Variants in UGGT1 observed in about 807,000 individuals in gnomAD.
UGGT1 encodes UDP-glucose glycoprotein glucosyltransferase 1.
A neutral mutation model predicts 203.9 loss-of-function variants in UGGT1; 107 were observed. The ratio of observed to expected loss-of-function variants is 0.52; its 90% CI spans 0.45 to 0.62. The LOEUF is 0.62. Ranked by LOEUF, UGGT1 falls within the 20% of genes least tolerant of loss-of-function variation. UGGT1 has a pLI of 0.00. For synonymous variants in UGGT1, 628 were observed against 653.5 expected (o/e 0.96, Z 0.59); for missense variants, 1,673 against 1,867.2 (o/e 0.90, Z 1.92).
intron 18 of UGGT1, 93 bp downstream of exon 18, chr2:128,146,060 C>A: frequency 6.8e-7 from 1 of 1,479,408 alleles, no homozygotes. Context: ...CTTAGTATCA[C>A]TATTTGGGAG....
intron 11 of UGGT1, among the ~76,000 whole-genome samples, chr2:128,123,907 G>C (rs1413937520): frequency 1.3e-5 from 2 of 152,108 alleles, no homozygotes; most frequent in Non-Finnish European, 2.9e-5. Flanking sequence ...AGTTGCCTGG[G>C]AGGCAAATTT....
chr2:128,106,856 T>TG (rs1320648664), intron 3 of UGGT1, among the ~76,000 whole-genome samples: 5 of 152,198 alleles, frequency 3.3e-5, no homozygotes, highest in African/African-American at 4.8e-5. Context: ...TGCCTATTTC[T>TG]ATTTTTTTTA....
chr2:128,135,709 T>G (rs1020770872), intron 15 of UGGT1, among the ~76,000 whole-genome samples: 1 of 152,232 alleles, frequency 6.6e-6, no homozygotes, highest in African/African-American at 2.4e-5. Context: ...TATGATCAAC[T>G]GCTAGGTTAT....
intron 16 of UGGT1, among the ~76,000 whole-genome samples, chr2:128,139,283 GT>G (rs1368656316): frequency 1.3e-5 from 2 of 152,072 alleles, no homozygotes; most frequent in African/African-American, 4.8e-5. Context: ...ACCAGATCTT[GT>G]TGTGTTGCTC....
chr2:128,158,051 T>A (rs919740921), intron 22 of UGGT1, among the ~76,000 whole-genome samples: 3 of 152,208 alleles, frequency 2.0e-5, no homozygotes, highest in African/African-American at 7.2e-5. Flanking sequence ...TATGCCGAGT[T>A]CCTTTATTGT....
chr2:128,149,784 T>C (rs1689860762), intron 18 of UGGT1, among the ~76,000 whole-genome samples: 1 of 146,322 alleles, frequency 6.8e-6, no homozygotes, highest in Non-Finnish European at 1.5e-5. Context: ...AGACTCCGTC[T>C]CAAGAAAAAA....
intron 25 of UGGT1, 43 bp downstream of exon 25, chr2:128,161,311 G>A (rs1285469661): frequency 1.9e-6 from 3 of 1,599,050 alleles, no homozygotes; most frequent in Non-Finnish European, 2.6e-6. Flanking sequence ...TATATAATTG[G>A]ACTTTCCTCA....
At chr2:128,177,947 T>G (rs752395714) in intron 33 of UGGT1, 27 bp downstream of exon 33, 1 of 1,566,830 alleles carries the variant, frequency 6.4e-7, no homozygotes, top group Non-Finnish European at 8.7e-7. Flanking sequence ...AGAGTTATGT[T>G]TTTAAGGAAA....
At chr2:128,183,362 A>T (rs1171608961) in intron 37 of UGGT1, among the ~76,000 whole-genome samples, 1 of 152,216 alleles carries the variant, frequency 6.6e-6, no homozygotes, top group Non-Finnish European at 1.5e-5. Flanking sequence ...TCAGGATATC[A>T]TTGAATAATG....
chr2:128,165,576 A>G (rs1328682544), intron 26 of UGGT1, among the ~76,000 whole-genome samples: 1 of 152,112 alleles, frequency 6.6e-6, no homozygotes, highest in East Asian at 1.9e-4. Context: ...AGATGCCTGT[A>G]ATACCAGCTA....
chr2:128,124,463 T>A (rs1278328976), intron 11 of UGGT1, among the ~76,000 whole-genome samples: 3 of 152,100 alleles, frequency 2.0e-5, no homozygotes, highest in Non-Finnish European at 4.4e-5. Flanking sequence ...TGTGTGTTTT[T>A]AAAAAAATCT....
intron 16 of UGGT1, among the ~76,000 whole-genome samples, chr2:128,142,584 CA>C (rs140971109): frequency 0.069 from 3,974 of 57,378 alleles, 75 homozygotes; most frequent in African/African-American, 0.16. Context: ...GACTCCATCT[CA>C]AAAAAAAAAA....
chr2:128,183,815 C>T, intron 38 of UGGT1, 26 bp downstream of exon 38: 1 of 1,546,704 alleles, frequency 6.5e-7, no homozygotes, highest in African/African-American at 1.4e-5. Flanking sequence ...TTATGGTTAA[C>T]TGTGAGTGAC....
At chr2:128,112,958 C>G in intron 5 of UGGT1, 126 bp from the exon 6 acceptor site, 1 of 817,114 alleles carries the variant, frequency 1.2e-6, no homozygotes, top group South Asian at 3.3e-5. Flanking sequence ...TAAGATCATG[C>G]TACCCTTCAT....
At position 128,127,341 on chromosome 2, in the gene UGGT1, TA is replaced by T; in HGVS notation, c.1135-18del. On this transcript the variant is annotated intron_variant, in intron 11 of 40. Transcript: ENST00000259253. ...AAAACATTCTCTCACAGCTCCCTAA[TA>T]ATTATTAAAATTTTTCAGTATTTCA... is the stretch of plus-strand genomic sequence containing the variant. 1.3e-6 allele frequency: 2 copies of T among 1,572,114 alleles called. No homozygotes were observed. The highest frequency in any genetic ancestry group is 1.7e-6 in the Non-Finnish European group (2 of 1,144,886).
At chr2:128,156,473 C>A (rs1690237319) in intron 21 of UGGT1, 58 bp downstream of exon 21, 2 of 1,362,194 alleles carry the variant, frequency 1.5e-6, no homozygotes, top group Admixed American at 1.8e-5. Context: ...TTTCAGTGAC[C>A]ATTGTAATTT....
At chr2:128,128,072 T>TCAAAAAA (rs1688685179) in intron 12 of UGGT1, among the ~76,000 whole-genome samples, 1 of 151,660 alleles carries the variant, frequency 6.6e-6, no homozygotes. Context: ...AGAATCCATC[T>TCAAAAAA]CAAAAAACAA....
intron 8 of UGGT1, among the ~76,000 whole-genome samples, chr2:128,117,010 G>A (rs890504767): frequency 3.9e-5 from 6 of 152,010 alleles, no homozygotes; most frequent in Non-Finnish European, 7.4e-5. Flanking sequence ...TTCAAACATA[G>A]TCTGAGCAAA....
chr2:128,182,698 C>CAAAAAAAAAAA lies in UGGT1; in HGVS notation c.4244+413_4244+423dup, dbSNP rs70988612. Among the ~76,000 whole-genome samples the CAAAAAAAAAAA allele has an allele frequency of 2.1e-3, 245 of 118,074 alleles. 3 individuals carry two copies. Among genetic ancestry groups the CAAAAAAAAAAA allele is most frequent in the South Asian group, 4.4e-3 (13 of 2,960 alleles). 77.5% of individuals were successfully genotyped at this position (118,074 alleles called of 152,430 possible). ...TGGATGACAGAGTGAGATTCCATCT[C>CAAAAAAAAAAA]AAAAAAAAAAAAAAATACAGTGTAA... On this transcript the variant is annotated intron_variant, in intron 37 of 40. Transcript: ENST00000259253.
Sources: allele counts gnomAD v4.1 joint callset (sites outside exome capture counted in the v4.1 genomes callset), GRCh38; gene constraint gnomAD v4.1.1; transcripts MANE v1.5; gene names NCBI Gene and HGNC (gene_info 2026-07-23, HGNC 2026-07-21).